Variants in LTBP1 observed in about 807,000 individuals in gnomAD.
LTBP1 encodes latent-transforming growth factor beta-binding protein 1.
A neutral mutation model predicts 207.6 loss-of-function variants in LTBP1; 129 were observed. That is an observed-to-expected ratio of 0.62 (90% CI 0.54 to 0.72). The LOEUF is 0.72. Ranked by LOEUF, LTBP1 falls within the 30% of genes least tolerant of loss-of-function variation. The pLI, the probability that LTBP1 is intolerant of heterozygous loss-of-function variation, is 0.00. For missense variants in LTBP1, 2,281 were observed against 2,217.2 expected (o/e 1.03, Z -0.58); for synonymous variants, 963 against 833.7 (o/e 1.16, Z -2.67).
At chr2:33,297,237 C>G (rs2093894837) in intron 20 of LTBP1, among the ~76,000 whole-genome samples, 1 of 152,034 alleles carries the variant, frequency 6.6e-6, no homozygotes, top group South Asian at 2.1e-4. Flanking sequence ...CCCATTACAG[C>G]CTGGGATGCA....
Position 33,038,604 on chromosome 2 carries a change from A to C in LTBP1, c.863+17398A>C, listed in dbSNP as rs10490453. 1.1e-4 allele frequency among the ~76,000 whole-genome samples: 17 copies of C among 152,230 alleles called. No homozygotes were observed. The East Asian group carries it at 2.9e-3, about 26-fold the overall frequency. The stretch of plus-strand genomic sequence containing the variant: ...CAATCTTAGTTGTTTTATCCTGGCA[A>C]ATTTTCTCTGGACATCTTATCCTCT... On this transcript the variant is annotated intron_variant, in intron 3 of 33. Transcript: ENST00000404816.
chr2:32,987,325 T>C (rs532984303), intron 2 of LTBP1, among the ~76,000 whole-genome samples: 4 of 151,984 alleles, frequency 2.6e-5, no homozygotes, highest in African/African-American at 9.6e-5. Flanking sequence ...GAGGAAGGAA[T>C]AGAAGACCCT....
In LTBP1 at chr2:33,224,808, T is replaced by C. The variant is rs558451365; in HGVS notation, c.1876+2657T>C. Among the ~76,000 whole-genome samples, 7 of 152,300 alleles carry C rather than the reference T, an allele frequency of 4.6e-5. No individual in the cohort carries two copies. In the South Asian group the frequency reaches 1.0e-3, roughly 23 times the overall value. ...CTACCTGTGCTATATTTGTTTTTCT[T>C]GAATTAGGCTTGCCAGTGGTTTATC... is the stretch of plus-strand genomic sequence containing the variant. On this transcript the variant is annotated intron_variant, in intron 9 of 33. Transcript: ENST00000404816.
chr2:33,371,481 G>C (rs766986871), intron 31 of LTBP1, among the ~76,000 whole-genome samples: 1 of 152,164 alleles, frequency 6.6e-6, no homozygotes, highest in Non-Finnish European at 1.5e-5. Context: ...CAGGAAAAAC[G>C]AGCCATTGTA....
At chr2:33,090,259 A>G (rs974264754) in intron 3 of LTBP1, among the ~76,000 whole-genome samples, 1 of 152,218 alleles carries the variant, frequency 6.6e-6, no homozygotes, top group Non-Finnish European at 1.5e-5. Context: ...CTTTGTGTTT[A>G]TTATCATTGG....
At chr2:33,178,682 A>C (rs979713668) in intron 5 of LTBP1, among the ~76,000 whole-genome samples, 1 of 152,208 alleles carries the variant, frequency 6.6e-6, no homozygotes, top group Non-Finnish European at 1.5e-5. Flanking sequence ...GGTAACAAAA[A>C]GAGTAATGTC....
chr2:33,176,521 G>A, intron 5 of LTBP1, among the ~76,000 whole-genome samples: 1 of 149,722 alleles, frequency 6.7e-6, no homozygotes, highest in South Asian at 2.1e-4. Context: ...CACCATGCCT[G>A]GCTGACAACA....
intron 4 of LTBP1, among the ~76,000 whole-genome samples, chr2:33,131,082 C>A (rs2081762793): frequency 6.6e-6 from 1 of 152,092 alleles, no homozygotes; most frequent in Non-Finnish European, 1.5e-5. Flanking sequence ...GGACCTTAGA[C>A]CAAAATGACC....
intron 10 of LTBP1, among the ~76,000 whole-genome samples, chr2:33,245,904 A>G (rs896442701): frequency 6.6e-6 from 1 of 152,228 alleles, no homozygotes; most frequent in African/African-American, 2.4e-5. Flanking sequence ...ACGCTCTGTG[A>G]AACTTTGACC....
chr2:33,293,173 C>T lies in LTBP1; in HGVS notation c.3126C>T (p.Cys1042=). The change falls in exon 20 of 34, where the codon TGC becomes TGT. Residue 1042 remains cysteine, a synonymous_variant. Transcript: ENST00000404816. ...WNGQCLDVDE[C]LEPNVCANGD... is the part of the protein sequence containing the mutation. ...ACATTCTTCAAGATGTGGACGAGTG[C>T]CTGGAACCAAACGTCTGCGCAAATG... 1 of 1,613,508 alleles carries T rather than the reference C, an allele frequency of 6.2e-7. No homozygotes were observed. The highest frequency in any genetic ancestry group is 8.5e-7 in the Non-Finnish European group (1 of 1,179,814).
intron 7 of LTBP1, among the ~76,000 whole-genome samples, chr2:33,195,327 T>TTAGA (rs2088425350): frequency 6.6e-6 from 1 of 152,220 alleles, no homozygotes; most frequent in Non-Finnish European, 1.5e-5. Context: ...GAGTTTGCCA[T>TTAGA]TCTAGATGCC....
In LTBP1 at chr2:33,259,623, T is replaced by C. The variant is rs1008673209; in HGVS notation, c.2418+13T>C. The C allele has an allele frequency of 1.3e-5, 20 of 1,599,766 alleles. No homozygotes were observed. In the African/African-American group the frequency reaches 1.6e-4, roughly 13 times the overall value. On this transcript the variant is annotated intron_variant, in intron 13 of 33. Coordinates refer to ENST00000404816, the MANE Select transcript of LTBP1 (RefSeq NM_206943.4). ...ACCCCCTGAAAAGGTAATTTATTCA[T>C]TGCTTGCAAGTCTTTTTTTTTCAAC...
chr2:33,168,592 A>G (rs146363241), intron 5 of LTBP1, among the ~76,000 whole-genome samples: 87 of 152,246 alleles, frequency 5.7e-4, no homozygotes, highest in African/African-American at 2.0e-3. Context: ...ACCAGAGGCC[A>G]GGAGTCCTCT....
chr2:33,064,556 G>A (rs113702463), intron 3 of LTBP1, among the ~76,000 whole-genome samples: 189 of 152,288 alleles, frequency 1.2e-3, no homozygotes, highest in African/African-American at 4.1e-3. Flanking sequence ...GGTTTGTGTC[G>A]CAGTTGAGGA....
Position 33,275,898 on chromosome 2 carries a change from C to A in LTBP1, c.2967C>A (p.Arg989=). ...FRCEYCDSGY[R]MTQRGRCEDI... is the part of the protein sequence containing the mutation. ...GTGAATACTGTGACAGCGGGTACCG[C>A]ATGACTCAGAGAGGCCGTTGTGAGG... The change falls in exon 18 of 34, where the codon CGC becomes CGA. Residue 989 remains arginine, a synonymous_variant. Transcript: ENST00000404816. 1 of 1,602,860 alleles carries A rather than the reference C, an allele frequency of 6.2e-7. No individual in the cohort carries two copies. Among genetic ancestry groups the A allele is most frequent in the South Asian group, 1.1e-5 (1 of 88,814 alleles).
chr2:33,317,045 T>C (rs1037712418), intron 24 of LTBP1, among the ~76,000 whole-genome samples: 3 of 152,228 alleles, frequency 2.0e-5, no homozygotes, highest in Non-Finnish European at 2.9e-5. Flanking sequence ...TAAACATAAA[T>C]ATATTCACAA....
chr2:33,286,590 A>G (rs78423129), intron 19 of LTBP1, among the ~76,000 whole-genome samples: 5,171 of 152,308 alleles, frequency 0.034, 307 homozygotes, highest in African/African-American at 0.12. Flanking sequence ...ATGCTAAAGG[A>G]TGCTTCTAAT....
At chr2:33,334,935 C>T (rs1323314771) in intron 24 of LTBP1, among the ~76,000 whole-genome samples, 1 of 148,208 alleles carries the variant, frequency 6.7e-6, no homozygotes, top group Non-Finnish European at 1.5e-5. Flanking sequence ...AAAAAAATGC[C>T]AGGCATGGCA....
intron 25 of LTBP1, among the ~76,000 whole-genome samples, chr2:33,345,779 T>A (rs1347974863): frequency 2.6e-5 from 4 of 152,220 alleles, no homozygotes; most frequent in African/African-American, 9.6e-5. Flanking sequence ...TTTAGATAAT[T>A]GCTCAAATTT....
Sources: gnomAD v4.1 joint callset for allele counts (sites outside exome capture counted in the v4.1 genomes callset) on GRCh38, gnomAD v4.1.1 for gene constraint, MANE v1.5 for transcripts, NCBI Gene and HGNC (gene_info 2026-07-23, HGNC 2026-07-21) for gene names.